UBR1: variants seen among roughly 807,000 people sequenced by gnomAD.
UBR1 encodes the protein ubiquitin protein ligase E3 component n-recognin 1.
A neutral mutation model predicts 242.1 loss-of-function variants in UBR1; 102 were observed. That is an observed-to-expected ratio of 0.42 (90% CI 0.36 to 0.50). The LOEUF (loss-of-function observed/expected upper bound fraction) is 0.50, where lower values mean the gene tolerates loss of function less well. Among genes scored for constraint, UBR1 ranks in the 20% least tolerant of loss-of-function variants. The probability of loss-of-function intolerance (pLI) is 0.01; values close to 1 mark genes in which losing one functional copy is unlikely to be tolerated. For synonymous variants in UBR1, 675 were observed against 684.8 expected (o/e 0.99, Z 0.22); for missense variants, 1,772 against 2,101.8 (o/e 0.84, Z 3.07).
At chr15:43,100,656 G>A (rs2034221082) in intron 1 of UBR1, among the ~76,000 whole-genome samples, 2 of 152,078 alleles carry the variant, frequency 1.3e-5, no homozygotes, top group African/African-American at 4.8e-5. Context: ...CCAACATGGT[G>A]AAACCCCGTC....
rs1042337737 is a variant in UBR1, at chr15:43,041,575, A to T, written c.1849+1640T>A. Among the ~76,000 whole-genome samples the T allele has an allele frequency of 5.3e-5, 8 of 152,232 alleles. No individual in the cohort carries two copies. In the South Asian group the frequency reaches 1.7e-3, roughly 32 times the overall value. On this transcript the variant is annotated intron_variant, in intron 15 of 46. Transcript: ENST00000290650. ...CCTGCATGTTGTGCACCTGTACCCT[A>T]GAACTTAAAGTATAATTAAAAAACA...
chr15:43,073,632 T>C (rs1190722728), intron 4 of UBR1, among the ~76,000 whole-genome samples: 1 of 152,222 alleles, frequency 6.6e-6, no homozygotes, highest in East Asian at 1.9e-4. Flanking sequence ...TTTTACTTCA[T>C]CTAGCTCTCA....
At chr15:43,036,088 A>G in intron 19 of UBR1, 90 bp downstream of exon 19, 1 of 1,191,168 alleles carries the variant, frequency 8.4e-7, no homozygotes, top group Non-Finnish European at 1.2e-6. Context: ...ATTTTAAAAA[A>G]TATGGCTAAA....
chr15:43,002,744 C>A (rs1456865824), intron 31 of UBR1, 40 bp from the exon 32 acceptor site: 3 of 1,613,632 alleles, frequency 1.9e-6, no homozygotes, highest in Non-Finnish European at 2.5e-6. Flanking sequence ...CAGAACTACA[C>A]ATGCATCTCT....
intron 29 of UBR1, among the ~76,000 whole-genome samples, chr15:43,015,289 T>A (rs1165623949): frequency 2.6e-5 from 4 of 152,150 alleles, no homozygotes; most frequent in Admixed American, 1.3e-4. Context: ...TTCATTTTGT[T>A]CTGTACTAAG....
intron 43 of UBR1, among the ~76,000 whole-genome samples, chr15:42,959,147 C>T (rs1006728751): frequency 2.6e-5 from 4 of 152,122 alleles, no homozygotes; most frequent in African/African-American, 9.7e-5. Context: ...AATTTAAATT[C>T]TGTAATTCTT....
rs1047753920 is a variant in UBR1 at position 42,981,723 on chromosome 15, C to G, written c.4150+2174G>C. Among the ~76,000 whole-genome samples the G allele has an allele frequency of 3.9e-5, 6 of 152,110 alleles. No homozygotes were observed. The East Asian group carries it at 1.2e-3, about 29-fold the overall frequency. On this transcript the variant is annotated intron_variant, in intron 37 of 46. Coordinates refer to ENST00000290650, the MANE Select transcript of UBR1 (RefSeq NM_174916.3). ...GCCAGGATGGTCTCGACCTCCTGACCTCGTGATCCGCCGCACCCAGCCACT... is the reference window on the plus strand; with the variant it reads ...GCCAGGATGGTCTCGACCTCCTGACGTCGTGATCCGCCGCACCCAGCCACT...
chr15:43,084,173 A>G (rs2034005805), intron 2 of UBR1, among the ~76,000 whole-genome samples: 1 of 152,162 alleles, frequency 6.6e-6, no homozygotes, highest in African/African-American at 2.4e-5. Context: ...CAACCTTAAT[A>G]CTACTGACAT....
chr15:43,066,478 GT>G (rs1238730063), intron 6 of UBR1, among the ~76,000 whole-genome samples: 1 of 152,160 alleles, frequency 6.6e-6, no homozygotes, highest in African/African-American at 2.4e-5. Flanking sequence ...TTTTTAAACA[GT>G]TTTTTCTAAT....
At chr15:43,041,616 A>G in intron 15 of UBR1, among the ~76,000 whole-genome samples, 1 of 152,170 alleles carries the variant, frequency 6.6e-6, no homozygotes, top group Non-Finnish European at 1.5e-5. Flanking sequence ...ACAAAAAAAA[A>G]TTAGATTTGA....
intron 1 of UBR1, among the ~76,000 whole-genome samples, chr15:43,087,487 T>C (rs1015018480): frequency 6.6e-6 from 1 of 152,176 alleles, no homozygotes; most frequent in African/African-American, 2.4e-5. Context: ...TTACAGATAT[T>C]TGATTACATA....
chr15:43,013,969 T>G (rs1567125604), intron 29 of UBR1, among the ~76,000 whole-genome samples: 2 of 150,294 alleles, frequency 1.3e-5, no homozygotes, highest in South Asian at 2.2e-4. Flanking sequence ...CTCGGCTCAC[T>G]GCAACCTCCC....
At position 43,030,914 on chromosome 15, in the gene UBR1, T is replaced by C. The variant is rs559470929; in HGVS notation, c.2255-846A>G. ...GTGAATTCGTTTCCAACACATTCAT[T>C]CCTCTTTACATTTGTAAAGCATTTT... On this transcript the variant is annotated intron_variant, in intron 20 of 46. Coordinates refer to ENST00000290650, the MANE Select transcript of UBR1 (RefSeq NM_174916.3). Among the ~76,000 whole-genome samples the C allele has an allele frequency of 7.7e-4, 118 of 152,348 alleles. 1 individual carries two copies. The highest frequency in any genetic ancestry group is 1.5e-3 in the Admixed American group (23 of 15,292).
chr15:43,059,924 T>G, intron 7 of UBR1, 99 bp from the exon 8 acceptor site: 1 of 1,561,998 alleles, frequency 6.4e-7, no homozygotes, highest in Non-Finnish European at 8.8e-7. Flanking sequence ...ACCCTGCCAG[T>G]TCCAAATCTC....
At chr15:42,966,817 G>A (rs2032113188) in intron 40 of UBR1, among the ~76,000 whole-genome samples, 1 of 151,876 alleles carries the variant, frequency 6.6e-6, no homozygotes, top group African/African-American at 2.4e-5. Context: ...TTTCCTAGGT[G>A]GTGATAAAAA....
Position 42,976,916 on chromosome 15 carries a change from A to G in UBR1, c.4219-49T>C, listed in dbSNP as rs1317045516. 3.1e-6 allele frequency: 5 copies of G among 1,588,396 alleles called. No individual in the cohort carries two copies. In the African/African-American group the frequency reaches 6.8e-5, roughly 21 times the overall value. On this transcript the variant is annotated intron_variant, in intron 38 of 46. Transcript: ENST00000290650. ...ATATGGCTAATGATAAAAGACTAAC[A>G]TAAATTAATGTCATAACTAAATGTG...
In UBR1 at chr15:42,990,229, T is replaced by C. The variant is rs921211627; in HGVS notation, c.3758-109A>G. 28 of 809,304 alleles carry C rather than the reference T, an allele frequency of 3.5e-5. No individual in the cohort carries two copies. In the South Asian group the frequency reaches 3.7e-4, roughly 11 times the overall value. The allele number at this position is 809,304 out of a possible 1,614,324, so 50.1% of individuals were successfully genotyped here. A position where few individuals can be genotyped will look rare whatever the true frequency, so the allele number is the denominator to read the frequency against. On this transcript the variant is annotated intron_variant, in intron 33 of 46. Coordinates refer to ENST00000290650, the MANE Select transcript of UBR1 (RefSeq NM_174916.3). Reference sequence around the variant, plus strand: ...TTTGACAGTCTCACTCTGTCACCCATGCTGGAGCACAGTGGCATGATCATC... The same window carrying C: ...TTTGACAGTCTCACTCTGTCACCCACGCTGGAGCACAGTGGCATGATCATC...
intron 32 of UBR1, among the ~76,000 whole-genome samples, chr15:43,001,258 T>G (rs2032720147): frequency 6.6e-6 from 1 of 151,908 alleles, no homozygotes; most frequent in Non-Finnish European, 1.5e-5. Flanking sequence ...GCAATTCTCC[T>G]TGGCTCAGCC....
intron 22 of UBR1, among the ~76,000 whole-genome samples, chr15:43,027,233 A>T (rs10518793): frequency 1.3e-5 from 2 of 152,064 alleles, no homozygotes; most frequent in Non-Finnish European, 2.9e-5. Context: ...TTACTAGATC[A>T]TAAGAAAAGC....
Sources: allele counts gnomAD v4.1 joint callset (sites outside exome capture counted in the v4.1 genomes callset), GRCh38; gene constraint gnomAD v4.1.1; transcripts MANE v1.5; gene names NCBI Gene and HGNC (gene_info 2026-07-23, HGNC 2026-07-21).